CENPK: variants seen among roughly 807,000 people sequenced by gnomAD.
The protein encoded by CENPK is SoxLZ/Sox6-binding protein Solt.
A neutral mutation model predicts 40.9 loss-of-function variants in CENPK; 46 were observed. That is an observed-to-expected ratio of 1.13 (90% CI 0.89 to 1.44). The LOEUF is 1.44. CENPK is among the 40% of genes most tolerant of loss of function. The pLI is 0.00. For missense variants in CENPK, 288 were observed against 303.5 expected (o/e 0.95, Z 0.38); for synonymous variants, 107 against 104.4 (o/e 1.02, Z -0.15).
chr5:65,543,766 T>C (rs189109239), intron 5 of CENPK, among the ~76,000 whole-genome samples: 1 of 152,206 alleles, frequency 6.6e-6, no homozygotes, highest in African/African-American at 2.4e-5. Flanking sequence ...GGTGCTCTCA[T>C]TTCTATAGAA....
intron 5 of CENPK, chr5:65,551,248 TCAAA>T: frequency 2.9e-5 from 2 of 68,104 alleles, no homozygotes; most frequent in South Asian, 2.3e-4. Context: ...AGACCCTGTC[TCAAA>T]AAAAAAAAAA....
Position 65,518,166 on chromosome 5 carries a change from T to C in CENPK, c.*309A>G. 5.8e-6 allele frequency: 1 copy of C among 173,350 alleles called. No homozygotes were observed. Among genetic ancestry groups the C allele is most frequent in the South Asian group, 1.8e-4 (1 of 5,632 alleles). 10.7% of individuals were successfully genotyped at this position (173,350 alleles called of 1,614,324 possible). A position where few individuals can be genotyped will look rare whatever the true frequency, so the allele number is the denominator to read the frequency against. The stretch of plus-strand genomic sequence containing the variant: ...TATATATTTTAAGAAAATATTATAT[T>C]AGCAATATCATAAATCAACAAAGAA... On this transcript the variant is annotated 3_prime_UTR_variant, in exon 11 of 11. Transcript: ENST00000396679.
intron 6 of CENPK, among the ~76,000 whole-genome samples, chr5:65,536,751 A>T (rs1220870496): frequency 6.6e-6 from 1 of 152,152 alleles, no homozygotes; most frequent in Non-Finnish European, 1.5e-5. Context: ...GCAACTTATA[A>T]TGGTAAAATT....
chr5:65,548,550 C>A (rs1443495529), intron 5 of CENPK, among the ~76,000 whole-genome samples: 2 of 152,032 alleles, frequency 1.3e-5, no homozygotes, highest in South Asian at 2.1e-4. Flanking sequence ...GCATGAGATG[C>A]TGTTTGATAG....
At chr5:65,550,379 G>T (rs1749758210) in intron 5 of CENPK, 1 of 152,028 alleles carries the variant, frequency 6.6e-6, no homozygotes, top group Non-Finnish European at 1.5e-5. Flanking sequence ...GTTATTAATT[G>T]GCCTAAATTC....
At chr5:65,510,105 G>A in the CENPK span, among the ~76,000 whole-genome samples, 1 of 152,070 alleles carries the variant, frequency 6.6e-6, no homozygotes, top group East Asian at 1.9e-4. Context: ...AAGAAGAATC[G>A]CATATTTCTC....
chr5:65,535,111 G>C (rs1746626870), intron 6 of CENPK, among the ~76,000 whole-genome samples: 1 of 152,176 alleles, frequency 6.6e-6, no homozygotes. Context: ...CAGCTACTCA[G>C]GAGGCTGAAG....
intron 6 of CENPK, 134 bp downstream of exon 6, chr5:65,542,668 A>G: frequency 1.6e-6 from 1 of 631,790 alleles, no homozygotes; most frequent in South Asian, 2.8e-5. Flanking sequence ...TATGTTCAAT[A>G]AAACATAAAT....
At chr5:65,542,879 A>G (rs1373432063) in intron 5 of CENPK, 31 bp from the exon 6 acceptor site, 3 of 1,569,606 alleles carry the variant, frequency 1.9e-6, no homozygotes, top group Admixed American at 1.9e-5. Context: ...AAAGTTACAC[A>G]TATATTTAGT....
At chr5:65,499,658 T>A in the CENPK span, among the ~76,000 whole-genome samples, 2 of 95,802 alleles carry the variant, frequency 2.1e-5, no homozygotes, top group Admixed American at 9.2e-5. Context: ...GATCTTTTTT[T>A]TTTTTTTAAT....
chr5:65,546,059 A>G (rs1748886274), intron 5 of CENPK, among the ~76,000 whole-genome samples: 1 of 152,218 alleles, frequency 6.6e-6, no homozygotes, highest in Non-Finnish European at 1.5e-5. Flanking sequence ...GAAAACTTCT[A>G]TCATTGCCAG....
downstream of CENPK, among the ~76,000 whole-genome samples, chr5:65,514,263 G>GT (rs59636233): frequency 7.2e-5 from 2 of 27,732 alleles, no homozygotes; most frequent in African/African-American, 1.5e-4. Flanking sequence ...TTTTTTTTTA[G>GT]TTTTTTTTAG....
the CENPK span, among the ~76,000 whole-genome samples, chr5:65,508,719 GA>G: frequency 1.3e-5 from 2 of 148,846 alleles, no homozygotes; most frequent in African/African-American, 2.5e-5. Flanking sequence ...CTGAGAGGCA[GA>G]GGTTACAGTG....
intron 6 of CENPK, among the ~76,000 whole-genome samples, chr5:65,538,251 T>C (rs971054192): frequency 6.6e-6 from 1 of 152,240 alleles, no homozygotes; most frequent in Non-Finnish European, 1.5e-5. Flanking sequence ...CTTTGTTCAG[T>C]TGTTTTGAAC....
intron 2 of CENPK, among the ~76,000 whole-genome samples, chr5:65,558,604 A>G (rs1402699024): frequency 6.6e-6 from 1 of 152,240 alleles, no homozygotes; most frequent in Non-Finnish European, 1.5e-5. Flanking sequence ...AGATATATAA[A>G]AAAATGGGAG....
chr5:65,557,892 G>A (rs1230219235), intron 2 of CENPK, among the ~76,000 whole-genome samples: 1 of 152,198 alleles, frequency 6.6e-6, no homozygotes, highest in Non-Finnish European at 1.5e-5. Context: ...GTGGATTCAA[G>A]AAAGAATGGA....
chr5:65,507,375 A>G, the CENPK span, among the ~76,000 whole-genome samples: 1 of 152,230 alleles, frequency 6.6e-6, no homozygotes, highest in Non-Finnish European at 1.5e-5. Flanking sequence ...CTAAATGCAC[A>G]GCTATATAGA....
intron 5 of CENPK, among the ~76,000 whole-genome samples, chr5:65,545,430 C>T (rs1411602393): frequency 6.6e-6 from 1 of 151,494 alleles, no homozygotes; most frequent in African/African-American, 2.4e-5. Context: ...CATTTCTCAT[C>T]AGTACCAAGG....
At chr5:65,545,506 G>A (rs6867903) in intron 5 of CENPK, among the ~76,000 whole-genome samples, 1,571 of 152,138 alleles carry the variant, frequency 0.01, 30 homozygotes, top group African/African-American at 0.036. Flanking sequence ...CACATCCAGT[G>A]AAAATATCCT....
Sources: gnomAD v4.1 joint callset for allele counts (sites outside exome capture counted in the v4.1 genomes callset) on GRCh38, gnomAD v4.1.1 for gene constraint, MANE v1.5 for transcripts, NCBI Gene and HGNC (gene_info 2026-07-23, HGNC 2026-07-21) for gene names.